Variants in KCP observed in about 807,000 individuals in gnomAD.
KCP encodes the protein kielin cysteine rich BMP regulator.
KCP carries 194 observed loss-of-function variants against 212.7 expected under a neutral mutation model. That is an observed-to-expected ratio of 0.91 (90% CI 0.81 to 1.03). The LOEUF (loss-of-function observed/expected upper bound fraction) is 1.03, where lower values mean the gene tolerates loss of function less well. KCP is among the 50% of genes least tolerant of loss of function. The pLI is 0.00. For missense variants in KCP, 2,080 were observed against 2,162.5 expected (o/e 0.96, Z 0.76); for synonymous variants, 833 against 865.3 (o/e 0.96, Z 0.65).
chr7:128,895,234 T>G (rs759571344), intron 8 of KCP, among the ~76,000 whole-genome samples: 6 of 152,074 alleles, frequency 3.9e-5, no homozygotes, highest in Non-Finnish European at 5.9e-5. Context: ...TCACTTAAGC[T>G]CTCTGTGACT....
chr7:128,907,931 C>G (rs1795206697), intron 2 of KCP, among the ~76,000 whole-genome samples: 5 of 152,022 alleles, frequency 3.3e-5, no homozygotes, highest in Admixed American at 3.3e-4. Flanking sequence ...GAGTTCGAGA[C>G]CAGCCTGGCC....
At chr7:128,890,814 G>T in intron 20 of KCP, 91 bp downstream of exon 20, 1 of 1,103,126 alleles carries the variant, frequency 9.1e-7, no homozygotes, top group Non-Finnish European at 1.2e-6. Context: ...GGGCGGAGCG[G>T]GCCTGGAGGA....
At chr7:128,888,221 C>T (rs1793828800) in intron 22 of KCP, among the ~76,000 whole-genome samples, 1 of 151,574 alleles carries the variant, frequency 6.6e-6, no homozygotes, top group South Asian at 2.1e-4. Flanking sequence ...CAGCCACACA[C>T]ACAGATACAC....
chr7:128,904,446 C>T, intron 5 of KCP: 2 of 1,189,374 alleles, frequency 1.7e-6, no homozygotes, highest in Non-Finnish European at 2.4e-6. Context: ...CTCTCTCCTG[C>T]TCTCCCTCCT....
Position 128,880,045 on chromosome 7 carries a change from C to G in KCP, c.3800G>C (p.Arg1267Pro). ...PALSPGSCCPRCLPRPASCMA... is the reference protein window; with the variant it reads ...PALSPGSCCPPCLPRPASCMA... ...GCAGGAAGCGGGCCGAGGCAGGCAGCGGGGGCAGCAGCTGCCAGGACTCAG... is the reference window on the plus strand; with the variant it reads ...GCAGGAAGCGGGCCGAGGCAGGCAGGGGGGGCAGCAGCTGCCAGGACTCAG... The change falls in exon 35 of 40, where the codon CGC becomes CCC. Residue 1267 changes from arginine (R) to proline (P), a missense_variant. Coordinates refer to ENST00000610776, the MANE Select transcript of KCP (RefSeq NM_001366122.1). 1.3e-6 allele frequency: 2 copies of G among 1,547,550 alleles called. No individual in the cohort carries two copies. The highest frequency in any genetic ancestry group is 1.2e-5 in the South Asian group (1 of 83,962).
Position 128,877,020 on chromosome 7 carries a change from C to A in KCP, c.*23G>T. 5.2e-6 allele frequency: 8 copies of A among 1,536,544 alleles called. No individual in the cohort carries two copies. The highest frequency in any genetic ancestry group is 7.0e-6 in the Non-Finnish European group (8 of 1,143,118). On this transcript the variant is annotated 3_prime_UTR_variant, in exon 40 of 40. Transcript: ENST00000610776. ...AAGGGGAGACTCCTGGCCTGATGAA[C>A]CCTTATCAGGCACTGTCCTGGCTCA...
chr7:128,884,253 GGCT>G, intron 28 of KCP, 131 bp from the exon 29 acceptor site: 1 of 1,161,056 alleles, frequency 8.6e-7, no homozygotes, highest in South Asian at 1.6e-5. Flanking sequence ...CTGAACTCAA[GGCT>G]GAAGAGAGAC....
chr7:128,888,815 AC>A, intron 22 of KCP, 47 bp downstream of exon 22: 1 of 1,519,120 alleles, frequency 6.6e-7, no homozygotes. Flanking sequence ...TGAGAAAGGC[AC>A]CCCGGGAGCC....
rs1422087719 is a variant in KCP at position 128,891,006 on chromosome 7, C to T, written c.2063G>A (p.Arg688His). 1.5e-6 allele frequency: 2 copies of T among 1,343,586 alleles called. No individual in the cohort carries two copies. Among genetic ancestry groups the T allele is most frequent in the Non-Finnish European group, 9.5e-7 (1 of 1,053,546 alleles). 83.2% of individuals were successfully genotyped at this position (1,343,586 alleles called of 1,614,324 possible). The change falls in exon 20 of 40, where the codon CGC (arginine) becomes CAC (histidine). Residue 688 changes from arginine (R) to histidine (H), a missense_variant. Transcript: ENST00000610776. The stretch of plus-strand genomic sequence containing the variant: ...CACGGAGCCGTCGAGGCAGAGGCAG[C>T]GGCGGCAGGGATCGCCGGGCGGGGA... ...YFSPPGDPCRRCLCLDGSVSC... is the reference protein window; with the variant it reads ...YFSPPGDPCRHCLCLDGSVSC...
chr7:128,895,255 G>A (rs763960980), intron 8 of KCP, among the ~76,000 whole-genome samples: 17 of 152,128 alleles, frequency 1.1e-4, no homozygotes, highest in Non-Finnish European at 1.6e-4. Context: ...CAGTTTACTC[G>A]TCTGAAAAAA....
At chr7:128,908,303 A>G (rs1037641333) in intron 2 of KCP, 123 bp downstream of exon 2, 2 of 704,890 alleles carry the variant, frequency 2.8e-6, no homozygotes, top group African/African-American at 1.9e-5. Context: ...AGAAAGAAAG[A>G]AAGGGAATTG....
chr7:128,896,097 G>A (rs148450803), intron 8 of KCP, among the ~76,000 whole-genome samples: 171 of 152,182 alleles, frequency 1.1e-3, no homozygotes, highest in African/African-American at 3.1e-3. Flanking sequence ...GGAAACCCCC[G>A]ACCCAAAGGC....
At chr7:128,893,099 A>T in intron 13 of KCP, 78 bp from the exon 14 acceptor site, 1 of 1,001,406 alleles carries the variant, frequency 1.0e-6, no homozygotes, top group Non-Finnish European at 1.5e-6. Flanking sequence ...CAGGGACCCC[A>T]CCTTCGCCAT....
chr7:128,886,425 AG>A, intron 26 of KCP, 38 bp downstream of exon 26: 1 of 1,501,738 alleles, frequency 6.7e-7, no homozygotes, highest in Non-Finnish European at 9.0e-7. Flanking sequence ...CACAGGGCCA[AG>A]GGGCTGAAGC....
intron 26 of KCP, among the ~76,000 whole-genome samples, chr7:128,885,619 T>C (rs545002200): frequency 1.3e-5 from 2 of 149,098 alleles, no homozygotes; most frequent in African/African-American, 2.4e-5. Flanking sequence ...GCTAACCATG[T>C]GCCCAAGGTA....
At position 128,878,740 on chromosome 7, in the gene KCP, A is replaced by C. The variant is rs1283470041; in HGVS notation, c.4147-18T>G. The C allele has an allele frequency of 1.2e-5, 19 of 1,545,398 alleles. No individual in the cohort carries two copies. The highest frequency in any genetic ancestry group is 2.4e-5 in the East Asian group (1 of 40,916). ...CACAGCACCTGTGTGGAGAGGCCTGAGACTGGGGAGCAGGGAAGGACAGGG... is the reference window on the plus strand; with the variant it reads ...CACAGCACCTGTGTGGAGAGGCCTGCGACTGGGGAGCAGGGAAGGACAGGG... On this transcript the variant is annotated intron_variant, in intron 37 of 39. Coordinates refer to ENST00000610776, the MANE Select transcript of KCP (RefSeq NM_001366122.1).
intron 4 of KCP, 70 bp downstream of exon 4, chr7:128,907,031 C>T (rs1042473487): frequency 9.1e-6 from 13 of 1,429,202 alleles, no homozygotes; most frequent in African/African-American, 8.5e-5. Flanking sequence ...TTGAGTGCCA[C>T]GCTGCAGTGA....
At position 128,902,825 on chromosome 7, in the gene KCP, G is replaced by A. The variant is rs980293459; in HGVS notation, c.783C>T (p.Gly261=). The stretch of plus-strand genomic sequence containing the variant: ...GGTCCCCAGGTGTTGTCCACTCTTG[G>A]CCATGTTCCCAGTGAGAGCCACCTT... The part of the protein sequence containing the change: ...CTEGGSHWEH[G]QEWTTPGDPC... The change falls in exon 8 of 40, where the codon GGC becomes GGT. Residue 261 remains glycine (G), a synonymous_variant. Coordinates refer to ENST00000610776, the MANE Select transcript of KCP (RefSeq NM_001366122.1). The A allele has an allele frequency of 7.2e-5, 111 of 1,551,336 alleles. No individual in the cohort carries two copies. The highest frequency in any genetic ancestry group is 9.3e-5 in the Non-Finnish European group (107 of 1,147,006).
chr7:128,901,262 T>A (rs1256543469), intron 8 of KCP, among the ~76,000 whole-genome samples: 1 of 152,156 alleles, frequency 6.6e-6, no homozygotes. Context: ...ACCATAAAAA[T>A]GGGCAACCAG....
Sources: allele counts gnomAD v4.1 joint callset (sites outside exome capture counted in the v4.1 genomes callset), GRCh38; gene constraint gnomAD v4.1.1; transcripts MANE v1.5; gene names NCBI Gene and HGNC (gene_info 2026-07-23, HGNC 2026-07-21).